ANKRD44: variants seen among roughly 807,000 people sequenced by gnomAD.
ANKRD44 encodes the protein serine/threonine-protein phosphatase 6 regulatory ankyrin repeat subunit B.
ANKRD44 carries 35 observed loss-of-function variants against 116.0 expected under a neutral mutation model. The observed-to-expected ratio is 0.30, with a 90% CI of 0.23 to 0.40. The LOEUF is 0.40. Ranked by LOEUF, ANKRD44 falls within the 10% of genes least tolerant of loss-of-function variation. The pLI is 1.00. For synonymous variants in ANKRD44, 435 were observed against 461.8 expected (o/e 0.94, Z 0.74); for missense variants, 1,014 against 1,242.6 (o/e 0.82, Z 2.77).
intron 8 of ANKRD44, among the ~76,000 whole-genome samples, chr2:197,111,587 C>T (rs1574476917): frequency 6.7e-6 from 1 of 149,278 alleles, no homozygotes; most frequent in Admixed American, 6.7e-5. Flanking sequence ...TGCAGTGAGC[C>T]AAGATCGTGC....
chr2:197,029,520 C>A, intron 16 of ANKRD44: 1 of 478,962 alleles, frequency 2.1e-6, no homozygotes, highest in Admixed American at 2.2e-5. Flanking sequence ...ATCTAACTTC[C>A]AGAAAGCACT....
chr2:197,185,567 C>T (rs2080635130), intron 2 of ANKRD44, among the ~76,000 whole-genome samples: 1 of 152,180 alleles, frequency 6.6e-6, no homozygotes, highest in South Asian at 2.1e-4. Context: ...GTAGCATGTA[C>T]TGTACATAAT....
intron 16 of ANKRD44, among the ~76,000 whole-genome samples, chr2:197,068,692 T>G (rs1012402559): frequency 6.6e-6 from 1 of 152,034 alleles, no homozygotes; most frequent in African/African-American, 2.4e-5. Flanking sequence ...AACAGACATG[T>G]GAAAAAATGC....
chr2:197,060,816 C>A (rs142369460), intron 16 of ANKRD44, among the ~76,000 whole-genome samples: 4 of 152,086 alleles, frequency 2.6e-5, no homozygotes, highest in Non-Finnish European at 5.9e-5. Context: ...CTTAGTGTAA[C>A]GTCTTCCAGG....
At chr2:196,984,149 A>C (rs1559393345), downstream of ANKRD44, among the ~76,000 whole-genome samples, 1 of 152,218 alleles carries the variant, frequency 6.6e-6, no homozygotes, top group Non-Finnish European at 1.5e-5. Context: ...TGAAGAAATG[A>C]TTCAGAAACA....
intron 2 of ANKRD44, among the ~76,000 whole-genome samples, chr2:197,151,494 A>G (rs1053788745): frequency 2.0e-5 from 3 of 152,268 alleles, no homozygotes; most frequent in Non-Finnish European, 4.4e-5. Flanking sequence ...TATTATGGAA[A>G]GCAGTACCAA....
intron 16 of ANKRD44, among the ~76,000 whole-genome samples, chr2:197,026,059 A>C (rs536585053): frequency 3.3e-5 from 5 of 149,956 alleles, no homozygotes; most frequent in Non-Finnish European, 7.5e-5. Flanking sequence ...AAAAAAAAAA[A>C]AACACCTTTC....
intron 2 of ANKRD44, among the ~76,000 whole-genome samples, chr2:197,164,117 T>C (rs535739035): frequency 1.2e-3 from 180 of 152,352 alleles, no homozygotes; most frequent in African/African-American, 4.0e-3. Flanking sequence ...GGCCCAGTCC[T>C]GGTCCAGCCC....
intron 1 of ANKRD44, among the ~76,000 whole-genome samples, chr2:197,222,464 A>C (rs1013355604): frequency 6.6e-6 from 1 of 152,224 alleles, no homozygotes; most frequent in African/African-American, 2.4e-5. Context: ...ACGCAGCTTT[A>C]AAAAACATTC....
chr2:197,256,966 G>T (rs2712891), intron 1 of ANKRD44, among the ~76,000 whole-genome samples: 35,841 of 151,994 alleles, frequency 0.24, 4,410 homozygotes, highest in African/African-American at 0.3. Context: ...TGCTTTGGGT[G>T]CCTCAGGAGG....
intron 21 of ANKRD44, among the ~76,000 whole-genome samples, chr2:196,974,024 A>G (rs2075738845): frequency 6.6e-6 from 1 of 152,224 alleles, no homozygotes; most frequent in South Asian, 2.1e-4. Context: ...AGTAGAAATC[A>G]GTACGAGATG....
chr2:197,192,398 A>G (rs930573770), intron 1 of ANKRD44, among the ~76,000 whole-genome samples: 1 of 152,226 alleles, frequency 6.6e-6, no homozygotes. Context: ...TTGCATTCCA[A>G]TCAGAAATGG....
Position 197,125,375 on chromosome 2 carries a change from C to A in ANKRD44, c.550+6G>T. On this transcript the variant is annotated splice_donor_region_variant and intron_variant, in intron 6 of 27. Transcript: ENST00000282272. Reference sequence around the variant, plus strand: ...GTACTTTGCTTTCCATGCATGGAATCCTTACCCATGTATGCTGCCCAGTGC... The same window carrying A: ...GTACTTTGCTTTCCATGCATGGAATACTTACCCATGTATGCTGCCCAGTGC... The A allele has an allele frequency of 6.2e-7, 1 of 1,613,010 alleles. No individual in the cohort carries two copies.
At position 197,310,728 on chromosome 2, in the gene ANKRD44, C is replaced by T; in HGVS notation, c.-124G>A. 1 of 1,033,066 alleles carries T rather than the reference C, an allele frequency of 9.7e-7. No individual in the cohort carries two copies. The highest frequency in any genetic ancestry group is 1.3e-6 in the Non-Finnish European group (1 of 796,224). 64.0% of individuals were successfully genotyped at this position (1,033,066 alleles called of 1,614,324 possible). On this transcript the variant is annotated 5_prime_UTR_variant, in exon 1 of 28. Transcript: ENST00000282272. ...AAATCTGGCTCCCGAATTTGACAGC[C>T]CTCCCCCTGCTCCTCCTCCGCCGCC... is the stretch of plus-strand genomic sequence containing the variant.
intron 1 of ANKRD44, among the ~76,000 whole-genome samples, chr2:197,218,364 G>T (rs767839277): frequency 2.6e-5 from 4 of 152,146 alleles, no homozygotes; most frequent in Non-Finnish European, 5.9e-5. Flanking sequence ...TGAAATACCA[G>T]TGGGACTTCC....
rs549843868 is a variant in ANKRD44, at chr2:197,219,644, A to G, written c.28-32538T>C. Among the ~76,000 whole-genome samples, 98 of 152,348 alleles carry G rather than the reference A, an allele frequency of 6.4e-4. 2 individuals are homozygous for G. The highest frequency in any genetic ancestry group is 2.3e-3 in the African/African-American group (94 of 41,588). On this transcript the variant is annotated intron_variant, in intron 1 of 27. Transcript: ENST00000282272. ...AAATTTTCTGGCACCATGAAAGCAGACGGGACCCCAATGAAAGGTTCCCGA... is the reference window on the plus strand; with the variant it reads ...AAATTTTCTGGCACCATGAAAGCAGGCGGGACCCCAATGAAAGGTTCCCGA...
rs1361599731 is a variant in ANKRD44 at position 197,078,758 on chromosome 2, C to T, written c.1595G>A (p.Gly532Asp). ...DANPSIRDKE[G>D]YNSIHYAAAY... is the part of the protein sequence containing the mutation. ...GGCAGCATAATGTATGCTATTGTAA[C>T]CTTCCTTGTCCCGGATAGATGGATT... The change falls in exon 16 of 28, where the codon GGT becomes GAT. Residue 532 changes from glycine to aspartate, a missense_variant. By Grantham distance (94) the Gly-to-Asp change is moderately conservative (BLOSUM62 -1). Transcript: ENST00000282272. The T allele has an allele frequency of 3.1e-6, 5 of 1,612,792 alleles. No homozygotes were observed. Among genetic ancestry groups the T allele is most frequent in the Non-Finnish European group, 4.2e-6 (5 of 1,179,292 alleles).
intron 16 of ANKRD44, among the ~76,000 whole-genome samples, chr2:197,067,924 T>A (rs2077469187): frequency 2.0e-5 from 3 of 151,322 alleles, no homozygotes; most frequent in Non-Finnish European, 2.9e-5. Flanking sequence ...ATGTTTATTG[T>A]GGCACTATTC....
intron 16 of ANKRD44, among the ~76,000 whole-genome samples, chr2:197,062,548 G>C (rs1176473349): frequency 2.6e-5 from 4 of 152,236 alleles, no homozygotes; most frequent in Non-Finnish European, 4.4e-5. Context: ...CCTCACCCGG[G>C]AAGCGCAAGG....
Sources: allele counts gnomAD v4.1 joint callset (sites outside exome capture counted in the v4.1 genomes callset), GRCh38; gene constraint gnomAD v4.1.1; transcripts MANE v1.5; gene names NCBI Gene and HGNC (gene_info 2026-07-23, HGNC 2026-07-21).